Variants in RBFOX1 observed in about 807,000 individuals in gnomAD.
RBFOX1 encodes the protein RNA binding fox-1 homolog 1, also known as RNA binding protein fox-1 homolog 1.
RBFOX1 carries 8 observed loss-of-function variants against 57.7 expected under a neutral mutation model. The observed-to-expected ratio is 0.14, with a 90% CI of 0.08 to 0.25. The LOEUF (loss-of-function observed/expected upper bound fraction) is 0.25. RBFOX1 is among the 10% of genes least tolerant of loss of function. The pLI is 1.00. For missense variants in RBFOX1, 611 were observed against 548.5 expected, an observed-to-expected ratio of 1.11 and a Z score of -1.14; for synonymous variants, 326 against 222.4, an observed-to-expected ratio of 1.47 and a Z score of -4.15.
At chr16:6,755,730 C>G (rs151145262) in intron 3 of RBFOX1, among the ~76,000 whole-genome samples, 1 of 152,202 alleles carries the variant, frequency 6.6e-6, no homozygotes, top group South Asian at 2.1e-4. Context: ...CCCTGTTATT[C>G]AAAAACAACT....
chr16:7,585,417 T>G (rs566641490), intron 6 of RBFOX1, among the ~76,000 whole-genome samples: 31 of 152,326 alleles, frequency 2.0e-4, no homozygotes, highest in African/African-American at 7.5e-4. Flanking sequence ...TGTTGGCGTT[T>G]CCATTGTGCA....
In RBFOX1 at chr16:5,378,335, G is replaced by A. The variant is rs184015278; in HGVS notation, c.220-88881G>A. Among the ~76,000 whole-genome samples, 7 of 151,538 alleles carry A rather than the reference G, an allele frequency of 4.6e-5. No individual in the cohort carries two copies. In the East Asian group the frequency reaches 1.4e-3, roughly 29 times the overall value. On this transcript the variant is annotated intron_variant, in intron 1 of 2. Transcript: ENST00000585867. Reference sequence around the variant, plus strand: ...TCCTGCCTCTGCTGGCCACCCAGTCGGACTCTCGCTCTCCAACACCTGCAT... The same window carrying A: ...TCCTGCCTCTGCTGGCCACCCAGTCAGACTCTCGCTCTCCAACACCTGCAT...
intron 1 of RBFOX1, among the ~76,000 whole-genome samples, chr16:6,210,345 CAAAAAAAAAAAACACCA>C (rs2097286072): frequency 3.8e-5 from 1 of 26,020 alleles, no homozygotes; most frequent in Non-Finnish European, 6.6e-5. Flanking sequence ...AACAAAAAAA[CAAAAAAAAAAAACACCA>C]AAAAAAAAAA....
rs191246654 is a variant in RBFOX1, at chr16:6,979,402, C to T, written c.-15-72655C>T. On this transcript the variant is annotated intron_variant, in intron 3 of 15. Transcript: ENST00000550418. The stretch of plus-strand genomic sequence containing the variant: ...GAGCACTTTCCATTGTGCGATAGAC[C>T]CACTAAATTAAAGTTGAAGAAAGTC... Among the ~76,000 whole-genome samples the T allele has an allele frequency of 2.0e-5, 3 of 152,182 alleles. No homozygotes were observed. In the South Asian group the frequency reaches 6.2e-4, roughly 32 times the overall value.
intron 4 of RBFOX1, among the ~76,000 whole-genome samples, chr16:5,926,606 C>A (rs1411694468): frequency 6.6e-6 from 1 of 152,122 alleles, no homozygotes; most frequent in Non-Finnish European, 1.5e-5. Context: ...TTGGAAAAAT[C>A]ACCTAAATCT....
intron 1 of RBFOX1, among the ~76,000 whole-genome samples, chr16:5,453,934 G>A (rs528989383): frequency 3.9e-5 from 6 of 152,232 alleles, no homozygotes; most frequent in African/African-American, 1.4e-4. Flanking sequence ...CTTAAGCTTA[G>A]TTCCCAAGTA....
intron 1 of RBFOX1, among the ~76,000 whole-genome samples, chr16:6,083,782 T>A (rs1179782972): frequency 6.6e-6 from 1 of 151,512 alleles, no homozygotes; most frequent in Non-Finnish European, 1.5e-5. Context: ...TGGCCCCCCT[T>A]CTTTGGTCTC....
chr16:7,704,330 T>C (rs1006007517), intron 14 of RBFOX1, among the ~76,000 whole-genome samples: 5 of 152,208 alleles, frequency 3.3e-5, no homozygotes, highest in African/African-American at 1.2e-4. Flanking sequence ...CTGAAGGCTT[T>C]TGATGAGTTT....
intron 1 of RBFOX1, among the ~76,000 whole-genome samples, chr16:6,107,456 C>T (rs1241027408): frequency 2.6e-5 from 4 of 151,982 alleles, no homozygotes; most frequent in African/African-American, 4.8e-5. Flanking sequence ...ACTTAATCTG[C>T]GGAGATGTCG....
At chr16:7,311,729 G>A (rs1051614204) in intron 4 of RBFOX1, among the ~76,000 whole-genome samples, 2 of 152,110 alleles carry the variant, frequency 1.3e-5, no homozygotes, top group Non-Finnish European at 2.9e-5. Flanking sequence ...CATCTCAAGT[G>A]TCTCACAAAA....
chr16:7,586,804 G>C (rs535767959), intron 6 of RBFOX1, among the ~76,000 whole-genome samples: 2 of 152,162 alleles, frequency 1.3e-5, no homozygotes, highest in Admixed American at 6.5e-5. Context: ...GCTGCTCCTA[G>C]ATTTTATGTG....
intron 3 of RBFOX1, among the ~76,000 whole-genome samples, chr16:6,908,143 C>T (rs976901287): frequency 6.6e-6 from 1 of 151,734 alleles, no homozygotes; most frequent in African/African-American, 2.4e-5. Flanking sequence ...GGAAACAATT[C>T]AGCTCCTAAC....
At chr16:6,992,837 C>CAAAAA (rs3048923) in intron 3 of RBFOX1, among the ~76,000 whole-genome samples, 2,061 of 118,428 alleles carry the variant, frequency 0.017, 83 homozygotes, top group African/African-American at 0.058. Context: ...CTTCCTTTTC[C>CAAAAA]AAAAAAAAAA....
intron 1 of RBFOX1, among the ~76,000 whole-genome samples, chr16:6,054,127 G>A (rs1473729284): frequency 1.3e-5 from 2 of 152,154 alleles, no homozygotes; most frequent in African/African-American, 4.8e-5. Context: ...TGAGGAAACT[G>A]TCAGTTTGAA....
chr16:5,885,913 G>A (rs1224785187), intron 4 of RBFOX1, among the ~76,000 whole-genome samples: 1 of 152,108 alleles, frequency 6.6e-6, no homozygotes, highest in South Asian at 2.1e-4. Flanking sequence ...TGTAATCCTC[G>A]ATGCTGGAGG....
chr16:6,316,924 C>T (rs2081188432), intron 1 of RBFOX1, 71 bp from the exon 2 acceptor site: 4 of 1,372,656 alleles, frequency 2.9e-6, no homozygotes, highest in Non-Finnish European at 3.0e-6. Flanking sequence ...ATTACTATGA[C>T]AAAAAAAGTG....
chr16:6,275,686 AT>A (rs1370048433), intron 1 of RBFOX1, among the ~76,000 whole-genome samples: 2 of 152,182 alleles, frequency 1.3e-5, no homozygotes, highest in African/African-American at 4.8e-5. Context: ...GGACATACCT[AT>A]TTTTAAAAAA....
chr16:6,170,003 A>C (rs2096947605), intron 1 of RBFOX1, among the ~76,000 whole-genome samples: 1 of 152,068 alleles, frequency 6.6e-6, no homozygotes, highest in Admixed American at 6.6e-5. Context: ...GCCTGACCTT[A>C]AGCGATCCAC....
intron 3 of RBFOX1, among the ~76,000 whole-genome samples, chr16:6,998,865 GTAT>G (rs953704414): frequency 2.0e-5 from 3 of 151,200 alleles, no homozygotes; most frequent in African/African-American, 2.4e-5. Flanking sequence ...AATTAATTAA[GTAT>G]TATTATTATT....
Sources: gnomAD v4.1 joint callset for allele counts (sites outside exome capture counted in the v4.1 genomes callset) on GRCh38, gnomAD v4.1.1 for gene constraint, MANE v1.5 for transcripts, NCBI Gene and HGNC (gene_info 2026-07-23, HGNC 2026-07-21) for gene names.